CCDC120: variants seen among roughly 807,000 people sequenced by gnomAD.
The protein encoded by CCDC120 is coiled-coil domain-containing protein 120.
A neutral mutation model predicts 37.6 loss-of-function variants in CCDC120; 16 were observed. The ratio of observed to expected loss-of-function variants is 0.43; its 90% CI spans 0.29 to 0.65. CCDC120 has a LOEUF of 0.65. Ranked by LOEUF, CCDC120 falls within the 30% of genes least tolerant of loss-of-function variation. CCDC120 has a pLI of 0.18. For synonymous variants in CCDC120, 309 were observed against 275.4 expected, an observed-to-expected ratio of 1.12 and a Z score of -1.21; for missense variants, 650 against 657.4, an observed-to-expected ratio of 0.99 and a Z score of 0.12.
At chrX:49,066,003 A>G (rs1165972223) in intron 9 of CCDC120, among the ~76,000 whole-genome samples, 158 bp downstream of exon 9, 3 of 111,871 alleles carry the variant, frequency 2.7e-5, no homozygotes, top group African/African-American at 9.7e-5. Flanking sequence ...CGGGCGGGTT[A>G]CTTGAGGTCA....
chrX:49,061,294 T>C (rs782398535), intron 1 of CCDC120, among the ~76,000 whole-genome samples: 15 of 112,106 alleles, frequency 1.3e-4, no homozygotes, highest in Non-Finnish European at 2.8e-4. Flanking sequence ...TTCTCCTTGC[T>C]ACACTAGAGC....
chrX:49,055,301 G>T (rs1443436833), upstream of CCDC120, among the ~76,000 whole-genome samples: 3 of 112,328 alleles, frequency 2.7e-5, no homozygotes, highest in Admixed American at 2.8e-4. Flanking sequence ...TTGGGGGGAA[G>T]AGTTAAGAAA....
chrX:49,059,450 C>T (rs1248729270), intron 1 of CCDC120: 11 of 519,971 alleles, frequency 2.1e-5, no homozygotes, highest in East Asian at 1.8e-4. Flanking sequence ...CAACCCAGGG[C>T]CCAGCTCTCC....
rs1557081996 is a variant in CCDC120, at chrX:49,067,893, G to C, written c.1779G>C (p.Gly593=). 4.3e-6 allele frequency: 5 copies of C among 1,166,487 alleles called. No individual in the cohort carries two copies. Among genetic ancestry groups the C allele is most frequent in the Non-Finnish European group, 5.7e-6 (5 of 871,331 alleles). Reference sequence around the variant, plus strand: ...GCCACAAGAACCTGGCTCTGGAGGGGCTGCGGGACTGGTACATCCGGAACT... The same window carrying C: ...GCCACAAGAACCTGGCTCTGGAGGGCCTGCGGGACTGGTACATCCGGAACT... ...RSGHKNLALE[G]LRDWYIRNSG... is the part of the protein sequence containing the mutation. Residue 593 remains glycine (G), a synonymous_variant, in exon 10 of 11, where the codon GGG becomes GGC. Transcript: ENST00000603986.
At chrX:49,055,848 AG>A (rs1447665936), upstream of CCDC120, among the ~76,000 whole-genome samples, 1 of 112,275 alleles carries the variant, frequency 8.9e-6, no homozygotes, top group African/African-American at 3.2e-5. Flanking sequence ...CTGAATTCTG[AG>A]AGGGAGAGTG....
intron 4 of CCDC120, among the ~76,000 whole-genome samples, chrX:49,062,917 G>A (rs1455556698): frequency 8.9e-6 from 1 of 111,927 alleles, no homozygotes; most frequent in African/African-American, 3.2e-5. Context: ...AAATTAGGCT[G>A]GGCGCGGTGG....
Position 49,065,583 on chromosome X carries a change from A to T in CCDC120, c.917A>T (p.Tyr306Phe). ...TGGAAACCACCTCCATCAGATCTTTATGGGGATCTGAAGAGCCGGCGGAAC... is the reference window on the plus strand; with the variant it reads ...TGGAAACCACCTCCATCAGATCTTTTTGGGGATCTGAAGAGCCGGCGGAAC... ...TPWKPPPSDLYGDLKSRRNSV... is the reference protein window; with the variant it reads ...TPWKPPPSDLFGDLKSRRNSV... Residue 306 changes from tyrosine (Y) to phenylalanine (F), a missense_variant, in exon 8 of 11, where the codon TAT (tyrosine) becomes TTT (phenylalanine). By Grantham distance (22) the Tyr-to-Phe change is conservative (BLOSUM62 3). Around this residue, in one of 3 missense-constraint regions of CCDC120, gnomAD observed 576 missense variants for 565.3 expected, o/e 1.02. Coordinates refer to ENST00000603986, the MANE Select transcript of CCDC120 (RefSeq NM_001163321.4). The T allele has an allele frequency of 8.3e-7, 1 of 1,210,274 alleles. No homozygotes were observed. The highest frequency in any genetic ancestry group is 1.7e-5 in the African/African-American group (1 of 57,662).
rs2064978288 is a variant in CCDC120, at chrX:49,067,884, T to C, written c.1770T>C (p.Ala590=). 6.0e-6 allele frequency: 7 copies of C among 1,166,496 alleles called. No homozygotes were observed. The highest frequency in any genetic ancestry group is 8.0e-6 in the Non-Finnish European group (7 of 871,757). Residue 590 remains alanine (A), a synonymous_variant, in exon 10 of 11, where the codon GCT becomes GCC. Coordinates refer to ENST00000603986, the MANE Select transcript of CCDC120 (RefSeq NM_001163321.4). ...AACGCAGTGGCCACAAGAACCTGGCTCTGGAGGGGCTGCGGGACTGGTACA... is the reference window on the plus strand; with the variant it reads ...AACGCAGTGGCCACAAGAACCTGGCCCTGGAGGGGCTGCGGGACTGGTACA... ...AGERSGHKNL[A]LEGLRDWYIR...
At chrX:49,067,061 C>A (rs1263205860) in intron 9 of CCDC120, 115 bp from the exon 10 acceptor site, 2 of 640,325 alleles carry the variant, frequency 3.1e-6, no homozygotes, top group Non-Finnish European at 4.8e-6. Flanking sequence ...CAACCTTGGG[C>A]CCATTTGGAG....
chrX:49,064,741 G>A (rs1211082894), intron 6 of CCDC120, 77 bp downstream of exon 6: 11 of 1,045,014 alleles, frequency 1.1e-5, no homozygotes, highest in Middle Eastern at 2.6e-4. Context: ...GTGACTGGCC[G>A]GTGAAAACCG....
rs782605460 is a variant in CCDC120, at chrX:49,067,463, C to A, written c.1349C>A (p.Pro450Gln). The change falls in exon 10 of 11, where the codon CCA (proline) becomes CAA (glutamine). Residue 450 changes from proline to glutamine, a missense_variant. Pro to Gln is a moderately conservative substitution (Grantham distance 76). Transcript: ENST00000603986. ...TTCTCCTCCCGCACAGCAGGCCCCC[C>A]AGACCCTCCCCGGGCCGCCCGGCCT... Reference protein sequence around the residue: ...PAFSSRTAGPPDPPRAARPSS... With the variant: ...PAFSSRTAGPQDPPRAARPSS... 2 of 1,180,217 alleles carry A rather than the reference C, an allele frequency of 1.7e-6. No individual in the cohort carries two copies. Among genetic ancestry groups the A allele is most frequent in the East Asian group, 3.0e-5 (1 of 33,193 alleles).
At chrX:49,060,450 A>G (rs1167030672) in intron 1 of CCDC120, among the ~76,000 whole-genome samples, 6 of 100,721 alleles carry the variant, frequency 6.0e-5, no homozygotes, top group African/African-American at 1.8e-4. Flanking sequence ...AAAAAAAAAA[A>G]AAAAAGAATC....
chrX:49,068,432 C>T, intron 10 of CCDC120, 112 bp from the exon 11 acceptor site: 1 of 1,048,035 alleles, frequency 9.5e-7, no homozygotes, highest in South Asian at 2.9e-5. Context: ...CCTGTGCCTG[C>T]CTCCACCTCT....
chrX:49,062,158 A>C, intron 2 of CCDC120, 54 bp downstream of exon 2: 1 of 1,168,789 alleles, frequency 8.6e-7, no homozygotes, highest in Non-Finnish European at 1.1e-6. Context: ...CCGCTGTGGC[A>C]TGGGAAGCTG....
At position 49,063,997 on chromosome X, in the gene CCDC120, C is replaced by A. The variant is rs782631932; in HGVS notation, c.425C>A (p.Ala142Asp). ...PNQAHHSLCP[A>D]EELALEALER... ...CAAGCACACCACTCCTTGTGCCCTGCTGAGGTGAGCAGATGGGTGTGGAGA... is the reference window on the plus strand; with the variant it reads ...CAAGCACACCACTCCTTGTGCCCTGATGAGGTGAGCAGATGGGTGTGGAGA... Residue 142 changes from alanine (A) to aspartate (D), a missense_variant, in exon 5 of 11, where the codon GCT becomes GAT. Ala to Asp is a moderately radical substitution (Grantham distance 126). Transcript: ENST00000603986. 5 of 1,198,355 alleles carry A rather than the reference C, an allele frequency of 4.2e-6. No homozygotes were observed. In the South Asian group the frequency reaches 9.1e-5, roughly 22 times the overall value.
At chrX:49,063,193 CAAA>C (rs781800207) in intron 4 of CCDC120, among the ~76,000 whole-genome samples, 3 of 47,437 alleles carry the variant, frequency 6.3e-5, no homozygotes, top group Non-Finnish European at 8.0e-5. Context: ...GACTCTGTCT[CAAA>C]AAAAAAAAAA....
chrX:49,067,407 G>T lies in CCDC120; in HGVS notation c.1293G>T (p.Val431=). ...SGPPVCKSSE[V]LYERPQPTPA... Reference sequence around the variant, plus strand: ...CCCCAGTCTGCAAGAGCAGTGAGGTGCTGTATGAGCGCCCCCAACCAACCC... The same window carrying T: ...CCCCAGTCTGCAAGAGCAGTGAGGTTCTGTATGAGCGCCCCCAACCAACCC... Residue 431 remains valine, a synonymous_variant, in exon 10 of 11, where the codon GTG becomes GTT. Coordinates refer to ENST00000603986, the MANE Select transcript of CCDC120 (RefSeq NM_001163321.4). 1 of 1,192,464 alleles carries T rather than the reference G, an allele frequency of 8.4e-7. No homozygotes were observed.
At chrX:49,054,068 A>G (rs989088717), upstream of CCDC120, among the ~76,000 whole-genome samples, 1 of 111,217 alleles carries the variant, frequency 9.0e-6, no homozygotes, top group Non-Finnish European at 1.9e-5. Flanking sequence ...AGGACCTTCC[A>G]TCCGAGCCCT....
chrX:49,065,677 C>T, intron 8 of CCDC120, 49 bp downstream of exon 8: 1 of 1,197,142 alleles, frequency 8.4e-7, no homozygotes, highest in Non-Finnish European at 1.1e-6. Context: ...AATGGGATAG[C>T]AAGCCTGGGC....
Sources: allele counts gnomAD v4.1 joint callset (sites outside exome capture counted in the v4.1 genomes callset), GRCh38; gene constraint gnomAD v4.1.1; regional missense constraint gnomAD v4.1.1; transcripts MANE v1.5; gene names NCBI Gene and HGNC (gene_info 2026-07-23, HGNC 2026-07-21).